ZPBP: variants seen among roughly 807,000 people sequenced by gnomAD.
The protein encoded by ZPBP is zona pellucida binding protein, also known as zona pellucida-binding protein 1.
A neutral mutation model predicts 44.8 loss-of-function variants in ZPBP; 26 were observed. The observed-to-expected ratio is 0.58, with a 90% CI of 0.43 to 0.81. The LOEUF (loss-of-function observed/expected upper bound fraction) is 0.81, where lower values mean the gene tolerates loss of function less well. Among genes scored for constraint, ZPBP ranks in the 30% least tolerant of loss-of-function variants. The pLI, the probability that ZPBP is intolerant of heterozygous loss-of-function variation, is 0.00. For missense variants in ZPBP, 409 were observed against 434.0 expected, an observed-to-expected ratio of 0.94 and a Z score of 0.51; for synonymous variants, 174 against 153.2, an observed-to-expected ratio of 1.14 and a Z score of -1.00.
intron 1 of ZPBP, among the ~76,000 whole-genome samples, chr7:49,923,436 T>C (rs889608623): frequency 5.3e-5 from 8 of 152,228 alleles, no homozygotes; most frequent in Non-Finnish European, 1.2e-4. Flanking sequence ...TGAAAAGAAC[T>C]GCCAATTTAG....
intron 6 of ZPBP, among the ~76,000 whole-genome samples, chr7:49,986,350 G>A (rs1797279526): frequency 6.6e-6 from 1 of 152,074 alleles, no homozygotes; most frequent in Non-Finnish European, 1.5e-5. Flanking sequence ...CACAATGGCC[G>A]CAGGCACCCA....
intron 7 of ZPBP, among the ~76,000 whole-genome samples, chr7:49,975,213 C>T (rs1796455017): frequency 6.6e-6 from 1 of 152,130 alleles, no homozygotes; most frequent in African/African-American, 2.4e-5. Flanking sequence ...GTGCCAATCC[C>T]CAGTCTGAGA....
the ZPBP span, among the ~76,000 whole-genome samples, chr7:49,844,748 A>C: frequency 4.6e-5 from 7 of 152,176 alleles, no homozygotes; most frequent in East Asian, 5.8e-4. Context: ...GCTGGAGTGC[A>C]ATGGCACGAT....
At chr7:50,091,995 A>T (rs1803015237) in intron 1 of ZPBP, among the ~76,000 whole-genome samples, 1 of 152,194 alleles carries the variant, frequency 6.6e-6, no homozygotes, top group African/African-American at 2.4e-5. Context: ...TTCCATCCTT[A>T]CAGTTACTGT....
intron 3 of ZPBP, among the ~76,000 whole-genome samples, chr7:50,059,049 T>C (rs1209916403): frequency 3.3e-5 from 5 of 152,246 alleles, no homozygotes; most frequent in African/African-American, 4.8e-5. Flanking sequence ...GGAAAAGCTA[T>C]AAATCTGTTA....
intron 6 of ZPBP, among the ~76,000 whole-genome samples, chr7:50,009,759 G>GA (rs936489832): frequency 6.6e-6 from 1 of 151,598 alleles, no homozygotes; most frequent in African/African-American, 2.4e-5. Flanking sequence ...AAAACAAAAT[G>GA]AAAAAAGTCT....
intron 6 of ZPBP, among the ~76,000 whole-genome samples, chr7:50,007,480 C>G (rs1483325702): frequency 6.6e-6 from 1 of 152,040 alleles, no homozygotes; most frequent in Non-Finnish European, 1.5e-5. Flanking sequence ...GAATTAAAAT[C>G]AATCTTCCTA....
intron 1 of ZPBP, among the ~76,000 whole-genome samples, chr7:49,906,706 C>T (rs1021998726): frequency 6.6e-6 from 1 of 152,198 alleles, no homozygotes; most frequent in Non-Finnish European, 1.5e-5. Context: ...CTTTTAATCA[C>T]AGCAGTGGGG....
At chr7:49,983,660 T>A in intron 6 of ZPBP, 141 bp from the exon 7 acceptor site, 2 of 577,652 alleles carry the variant, frequency 3.5e-6, no homozygotes, top group Middle Eastern at 4.6e-4. Flanking sequence ...AGACTATAAA[T>A]AAAACACACA....
intron 6 of ZPBP, among the ~76,000 whole-genome samples, chr7:50,007,911 T>C (rs116286448): frequency 2.2e-4 from 33 of 152,084 alleles, no homozygotes; most frequent in African/African-American, 8.0e-4. Flanking sequence ...ACCACTAACA[T>C]CATACTCAAT....
At chr7:50,090,585 ATATATATGCGTATATATGCG>A in intron 1 of ZPBP, among the ~76,000 whole-genome samples, 5 of 150,860 alleles carry the variant, frequency 3.3e-5, no homozygotes, top group African/African-American at 1.2e-4. Context: ...ATATTTGTGT[ATATATATGCGTATATATGCG>A]TATATATGTG....
intron 3 of ZPBP, among the ~76,000 whole-genome samples, chr7:50,080,325 A>G (rs1034936849): frequency 1.3e-5 from 2 of 151,730 alleles, no homozygotes; most frequent in African/African-American, 4.8e-5. Context: ...ATTCCCTGAG[A>G]ACAGTTTTTA....
intron 7 of ZPBP, chr7:49,942,262 AT>A (rs929168978): frequency 4.7e-6 from 1 of 213,990 alleles, no homozygotes; most frequent in Non-Finnish European, 9.2e-6. Flanking sequence ...TAATATCTGA[AT>A]TTTTGTGTTT....
At chr7:49,994,907 C>T (rs1455107478) in intron 6 of ZPBP, among the ~76,000 whole-genome samples, 1 of 152,138 alleles carries the variant, frequency 6.6e-6, no homozygotes, top group African/African-American at 2.4e-5. Context: ...CAGAGTAACA[C>T]ACCCAAATGA....
intron 7 of ZPBP, among the ~76,000 whole-genome samples, chr7:49,952,235 T>G (rs2128759148): frequency 6.6e-6 from 1 of 152,014 alleles, no homozygotes; most frequent in Non-Finnish European, 1.5e-5. Flanking sequence ...TCAACTCAAT[T>G]AAAAAAATAA....
intron 7 of ZPBP, among the ~76,000 whole-genome samples, chr7:49,970,009 A>C (rs562965109): frequency 1.0e-5 from 1 of 95,244 alleles, no homozygotes; most frequent in Non-Finnish European, 2.1e-5. Context: ...ACAGGCATGC[A>C]CCACCACTCC....
intron 6 of ZPBP, among the ~76,000 whole-genome samples, chr7:50,005,039 A>T (rs34924574): frequency 0.33 from 39,426 of 118,596 alleles, 6,393 homozygotes; most frequent in Non-Finnish European, 0.41. Flanking sequence ...AATCATTTTA[A>T]AAAAAAAAAA....
chr7:49,909,822 G>C (rs1793307551), intron 1 of ZPBP, among the ~76,000 whole-genome samples: 1 of 152,144 alleles, frequency 6.6e-6, no homozygotes, highest in Non-Finnish European at 1.5e-5. Flanking sequence ...GAAAGTCCAG[G>C]GCTGGGTGCG....
chr7:49,957,810 G>A (rs928960193), intron 7 of ZPBP, among the ~76,000 whole-genome samples: 6 of 152,138 alleles, frequency 3.9e-5, no homozygotes, highest in South Asian at 4.1e-4. Context: ...GTAGAGCCAC[G>A]AGAGCAAGGC....
Sources: gnomAD v4.1 joint callset for allele counts (sites outside exome capture counted in the v4.1 genomes callset) on GRCh38, gnomAD v4.1.1 for gene constraint, MANE v1.5 for transcripts, NCBI Gene and HGNC (gene_info 2026-07-23, HGNC 2026-07-21) for gene names.